Variants in ZNF765 observed in about 807,000 individuals in gnomAD.
ZNF765 encodes zinc finger protein 765.
ZNF765 carries 37 observed loss-of-function variants against 44.7 expected under a neutral mutation model. The observed-to-expected ratio is 0.83, with a 90% confidence interval of 0.64 to 1.09. The LOEUF (loss-of-function observed/expected upper bound fraction) is 1.09. Among genes scored for constraint, ZNF765 ranks in the 50% least tolerant of loss-of-function variants. The pLI is 0.00. For missense variants in ZNF765, 594 were observed against 626.1 expected (o/e 0.95, Z 0.55); for synonymous variants, 201 against 213.7 (o/e 0.94, Z 0.52).
At chr19:53,406,149 C>T (rs891076614) in intron 3 of ZNF765, among the ~76,000 whole-genome samples, 1 of 150,586 alleles carries the variant, frequency 6.6e-6, no homozygotes, top group Non-Finnish European at 1.5e-5. Flanking sequence ...CTGCCTCAGC[C>T]TTCCAAGTAG....
At position 53,410,551 on chromosome 19, in the gene ZNF765, G is replaced by GT. The variant is rs370861061; in HGVS notation, c.*1427dup. ...GGTCTTTAGTGGGCAGTCAACACTT[G>GT]TTTACCATCAGGCAATCCATGGTGT... On this transcript the variant is annotated 3_prime_UTR_variant, in exon 4 of 4. Transcript: ENST00000396408. The GT allele has an allele frequency of 1.3e-3, 539 of 421,672 alleles. 1 individual carries two copies. The highest frequency in any genetic ancestry group is 0.01 in the African/African-American group (499 of 48,664). 26.1% of individuals were successfully genotyped at this position (421,672 alleles called of 1,614,324 possible).
At chr19:53,395,759 T>C (rs2085661671) in intron 1 of ZNF765, among the ~76,000 whole-genome samples, 1 of 151,932 alleles carries the variant, frequency 6.6e-6, no homozygotes, top group South Asian at 2.1e-4. Context: ...TGACACGGGG[T>C]GTTCTTGCCT....
chr19:53,398,222 G>A (rs1167312875), intron 2 of ZNF765, among the ~76,000 whole-genome samples, 192 bp downstream of exon 2: 1 of 152,322 alleles, frequency 6.6e-6, no homozygotes, highest in East Asian at 1.9e-4. Context: ...AACTTGGGAA[G>A]AGGCTGCACT....
In ZNF765 at chr19:53,408,050, G is replaced by A. The variant is rs1301792519; in HGVS notation, c.495G>A (p.Val165=). Residue 165 remains valine (V), a synonymous_variant, in exon 4 of 4, where the codon GTG becomes GTA. Coordinates refer to ENST00000396408, the MANE Select transcript of ZNF765 (RefSeq NM_001040185.3). Reference sequence around the variant, plus strand: ...AAGAGAAAATTGATAATCAAGTTGTGAAGTCTATCCACGATGCTTCCTTGG... The same window carrying A: ...AAGAGAAAATTGATAATCAAGTTGTAAAGTCTATCCACGATGCTTCCTTGG... ...HTEEKIDNQV[V]KSIHDASLVS... is the part of the protein sequence containing the mutation. 1.9e-6 allele frequency: 3 copies of A among 1,614,068 alleles called. No individual in the cohort carries two copies. The highest frequency in any genetic ancestry group is 2.5e-6 in the Non-Finnish European group (3 of 1,180,036).
At chr19:53,414,506 C>A (rs1177109043), downstream of ZNF765, among the ~76,000 whole-genome samples, 21 of 69,200 alleles carry the variant, frequency 3.0e-4, no homozygotes, top group South Asian at 9.5e-4. Context: ...CCCCCCCCCC[C>A]CCCGGGGAAA....
intron 1 of ZNF765, 91 bp from the exon 2 acceptor site, chr19:53,397,852 T>C: frequency 1.6e-6 from 2 of 1,284,102 alleles, no homozygotes; most frequent in Non-Finnish European, 2.1e-6. Context: ...CCGTATGTCC[T>C]CAGGATGAGG....
intron 1 of ZNF765, among the ~76,000 whole-genome samples, chr19:53,396,738 T>A (rs1411278937): frequency 2.6e-5 from 4 of 152,224 alleles, no homozygotes; most frequent in African/African-American, 9.6e-5. Flanking sequence ...ACCCTTGCCT[T>A]GCCTGTTAGT....
Position 53,420,356 on chromosome 19 carries a change from T to C in ZNF765, c.143-2706T>C, listed in dbSNP as rs533406274. On this transcript the variant is annotated intron_variant, in intron 3 of 3. Coordinates refer to the ZNF765 transcript ENST00000594030. ...AAAAAATAAAATATAAATAAATAAA[T>C]GTAATCAAATCCAAATCTACCATTT... Among the ~76,000 whole-genome samples the C allele has an allele frequency of 3.9e-5, 6 of 152,166 alleles. No individual in the cohort carries two copies. The South Asian group carries it at 1.2e-3, about 32-fold the overall frequency.
chr19:53,411,209 C>G lies in ZNF765; in HGVS notation c.*2082C>G, dbSNP rs539003299. 1 of 154,022 alleles carries G rather than the reference C, an allele frequency of 6.5e-6. No homozygotes were observed. The highest frequency in any genetic ancestry group is 2.4e-5 in the African/African-American group (1 of 41,438). 9.5% of individuals were successfully genotyped at this position (154,022 alleles called of 1,614,324 possible). On this transcript the variant is annotated 3_prime_UTR_variant, in exon 4 of 4. Transcript: ENST00000396408. Reference sequence around the variant, plus strand: ...CCAGCACCGGTAGATCACTTGAGTTCAGGAGTTTGAGGTCAGCCTGGCCAA... The same window carrying G: ...CCAGCACCGGTAGATCACTTGAGTTGAGGAGTTTGAGGTCAGCCTGGCCAA...
intron 3 of ZNF765, among the ~76,000 whole-genome samples, chr19:53,420,516 A>G (rs1312142607): frequency 6.6e-6 from 1 of 152,218 alleles, no homozygotes; most frequent in Non-Finnish European, 1.5e-5. Context: ...ATTGATGAGT[A>G]TATGAACTGA....
chr19:53,418,407 T>A lies in ZNF765; in HGVS notation c.143-4655T>A, dbSNP rs117791162. ...GTCATAGCTGTGACAGGTAAAATGA[T>A]CATTGCGGTTGTGACAGCAGGTGAG... On this transcript the variant is annotated intron_variant, in intron 3 of 3. Transcript: ENST00000594030. 2.2e-4 allele frequency among the ~76,000 whole-genome samples: 34 copies of A among 152,202 alleles called. 1 individual carries two copies. In the East Asian group the frequency reaches 6.6e-3, roughly 29 times the overall value.
chr19:53,410,005 T>A lies in ZNF765; in HGVS notation c.*878T>A. 1.9e-6 allele frequency: 1 copy of A among 524,828 alleles called. No individual in the cohort carries two copies. The highest frequency in any genetic ancestry group is 2.3e-5 in the Admixed American group (1 of 43,580). 32.5% of individuals were successfully genotyped at this position (524,828 alleles called of 1,614,324 possible). On this transcript the variant is annotated 3_prime_UTR_variant, in exon 4 of 4. Transcript: ENST00000396408. Reference sequence around the variant, plus strand: ...ATAATGAAGAGAGATCCTACAAGTGTGATAAATGCAGAATAAATGCAGAAA... The same window carrying A: ...ATAATGAAGAGAGATCCTACAAGTGAGATAAATGCAGAATAAATGCAGAAA...
At chr19:53,425,922 AC>A (rs961587025) in exon 4 of ZNF765, 1 of 152,236 alleles carries the variant, frequency 6.6e-6, no homozygotes, top group Non-Finnish European at 1.5e-5. Context: ...ACATGGTGAA[AC>A]CCCGTCTCTA....
chr19:53,402,341 C>T, intron 3 of ZNF765, 150 bp downstream of exon 3: 1 of 1,397,920 alleles, frequency 7.2e-7, no homozygotes, highest in Non-Finnish European at 9.5e-7. Context: ...ACGGCCAGCT[C>T]CGCCTCCCGG....
At position 53,408,982 on chromosome 19, in the gene ZNF765, G is replaced by C. The variant is rs2085807401; in HGVS notation, c.1427G>C (p.Ser476Thr). The change falls in exon 4 of 4, where the codon AGC becomes ACC. Residue 476 changes from serine to threonine, a missense_variant. By Grantham distance (58) the Ser-to-Thr change is moderately conservative. Coordinates refer to ENST00000396408, the MANE Select transcript of ZNF765 (RefSeq NM_001040185.3). ...TGTAATGAGTGTGGCAAGACCTTCA[G>C]CCGGACGTCATCCCTTACATACCAT... is the stretch of plus-strand genomic sequence containing the variant. ...YKCNECGKTF[S>T]RTSSLTYHHR... 1 of 1,603,782 alleles carries C rather than the reference G, an allele frequency of 6.2e-7. No homozygotes were observed. Among genetic ancestry groups the C allele is most frequent in the Non-Finnish European group, 8.5e-7 (1 of 1,172,972 alleles).
chr19:53,422,505 A>T (rs113092532), intron 3 of ZNF765, among the ~76,000 whole-genome samples: 5,185 of 152,274 alleles, frequency 0.034, 316 homozygotes, highest in African/African-American at 0.12. Flanking sequence ...CGAATTCTTC[A>T]TACTAGAAAG....
At chr19:53,406,850 G>T (rs182071038) in intron 3 of ZNF765, among the ~76,000 whole-genome samples, 1 of 152,324 alleles carries the variant, frequency 6.6e-6, no homozygotes, top group East Asian at 1.9e-4. Context: ...AAAAGGTGGA[G>T]GTTGCAGTGA....
downstream of ZNF765, among the ~76,000 whole-genome samples, chr19:53,414,435 C>CACACACACACACACACACACACA (rs1491405659): frequency 2.7e-5 from 1 of 37,590 alleles, no homozygotes; most frequent in Non-Finnish European, 4.9e-5. Context: ...ACCCTCCCCA[C>CACACACACACACACACACACACA]CACACACACA....
chr19:53,419,590 T>A (rs540862689), intron 3 of ZNF765, among the ~76,000 whole-genome samples: 2 of 152,364 alleles, frequency 1.3e-5, no homozygotes, highest in African/African-American at 4.8e-5. Flanking sequence ...TATCCGGCTC[T>A]GATCACAACA....
Sources: allele counts gnomAD v4.1 joint callset (sites outside exome capture counted in the v4.1 genomes callset), GRCh38; gene constraint gnomAD v4.1.1; transcripts MANE v1.5; gene names NCBI Gene and HGNC (gene_info 2026-07-23, HGNC 2026-07-21).